Variants in FBXL17 observed in about 807,000 individuals in gnomAD.
FBXL17 encodes F-box/LRR-repeat protein 17.
A neutral mutation model predicts 66.2 loss-of-function variants in FBXL17; 22 were observed. The ratio of observed to expected loss-of-function variants is 0.33; its 90% CI spans 0.24 to 0.47. The LOEUF (loss-of-function observed/expected upper bound fraction) is 0.47. Ranked by LOEUF, FBXL17 falls within the 20% of genes least tolerant of loss-of-function variation. The pLI is 1.00. For synonymous variants in FBXL17, 474 were observed against 400.5 expected (o/e 1.18, Z -2.19); for missense variants, 878 against 948.2 (o/e 0.93, Z 0.97).
At chr5:108,060,725 CT>C (rs1258769896) in intron 6 of FBXL17, among the ~76,000 whole-genome samples, 17 of 152,230 alleles carry the variant, frequency 1.1e-4, no homozygotes, top group East Asian at 9.7e-4. Context: ...CCATCCCCCC[CT>C]CCCACACACA....
chr5:107,903,528 T>C (rs1362634933), intron 7 of FBXL17, among the ~76,000 whole-genome samples: 3 of 152,032 alleles, frequency 2.0e-5, no homozygotes, highest in African/African-American at 7.3e-5. Flanking sequence ...GGTAACTAAG[T>C]AAAGAGAGGT....
intron 7 of FBXL17, among the ~76,000 whole-genome samples, chr5:107,989,527 T>C (rs1210463088): frequency 1.3e-5 from 2 of 152,162 alleles, no homozygotes; most frequent in Non-Finnish European, 2.9e-5. Flanking sequence ...CATGCCTTCA[T>C]CCATTCATCT....
intron 6 of FBXL17, among the ~76,000 whole-genome samples, chr5:108,126,467 G>C (rs1230836647): frequency 6.6e-6 from 1 of 151,766 alleles, no homozygotes; most frequent in East Asian, 1.9e-4. Context: ...ATTTACTTCA[G>C]ATTAAACATG....
rs1749882235 is a variant in FBXL17, at chr5:108,381,216, A to G, written c.476T>C (p.Leu159Pro). The change falls in exon 1 of 9, where the codon CTC (leucine) becomes CCC (proline). Residue 159 changes from leucine to proline, a missense_variant. Transcript: ENST00000542267. ...CACCGGCCCCAAGCTGGCCAGGAAGAGACTTCGGCCCTGCTGCTCCCAGGC... is the reference window on the plus strand; with the variant it reads ...CACCGGCCCCAAGCTGGCCAGGAAGGGACTTCGGCCCTGCTGCTCCCAGGC... ...AAAWEQQGRS[L>P]FLASLGPVRF... The G allele has an allele frequency of 9.0e-6, 13 of 1,446,820 alleles. No individual in the cohort carries two copies. The Admixed American group carries it at 1.0e-4, about 11-fold the overall frequency. The allele number at this position is 1,446,820 out of a possible 1,614,324, so 89.6% of individuals were successfully genotyped here.
chr5:107,863,818 CCTT>C (rs1328762204), intron 8 of FBXL17, among the ~76,000 whole-genome samples: 4 of 152,116 alleles, frequency 2.6e-5, no homozygotes, highest in African/African-American at 4.8e-5. Flanking sequence ...TCAAGAATCT[CCTT>C]CTTCAGGGAA....
At position 107,919,490 on chromosome 5, in the gene FBXL17, C is replaced by T. The variant is rs191842564; in HGVS notation, c.1823-38311G>A. Reference sequence around the variant, plus strand: ...CTCCTCTGCTCACAGTGGGTTCTCACCTCACTGAGGGTAAGGCCATAAAGG... The same window carrying T: ...CTCCTCTGCTCACAGTGGGTTCTCATCTCACTGAGGGTAAGGCCATAAAGG... On this transcript the variant is annotated intron_variant, in intron 7 of 8. Coordinates refer to ENST00000542267, the MANE Select transcript of FBXL17 (RefSeq NM_001163315.3). 8.5e-5 allele frequency among the ~76,000 whole-genome samples: 13 copies of T among 152,294 alleles called. No homozygotes were observed. In the East Asian group the frequency reaches 2.5e-3, roughly 29 times the overall value.
chr5:107,919,874 C>T (rs748721347), intron 7 of FBXL17, among the ~76,000 whole-genome samples: 3 of 152,136 alleles, frequency 2.0e-5, no homozygotes, highest in Non-Finnish European at 4.4e-5. Context: ...GAATGCAAGT[C>T]CCAAAAGGGC....
At chr5:108,107,629 G>A (rs534086119) in intron 6 of FBXL17, among the ~76,000 whole-genome samples, 3 of 151,660 alleles carry the variant, frequency 2.0e-5, no homozygotes, top group East Asian at 2.0e-4. Context: ...TGGCTAACAC[G>A]GTGAAACCCC....
intron 4 of FBXL17, among the ~76,000 whole-genome samples, chr5:108,303,569 G>C (rs1011144552): frequency 6.6e-5 from 10 of 151,846 alleles, no homozygotes; most frequent in African/African-American, 2.2e-4. Flanking sequence ...GTATTCTGAA[G>C]ACTTTATTTT....
chr5:108,355,078 A>T (rs1747892274), intron 3 of FBXL17, among the ~76,000 whole-genome samples: 1 of 152,084 alleles, frequency 6.6e-6, no homozygotes, highest in Non-Finnish European at 1.5e-5. Flanking sequence ...CAATACAAAG[A>T]AAGAATGCAT....
chr5:108,350,599 G>GAATAAACTTCATAGAAGTT (rs1308872829), intron 3 of FBXL17, among the ~76,000 whole-genome samples: 6 of 152,108 alleles, frequency 3.9e-5, no homozygotes, highest in Non-Finnish European at 7.4e-5. Context: ...TACAGACTTA[G>GAATAAACTTCATAGAAGTT]ATAAACTTCA....
At chr5:108,303,044 C>A (rs945464041) in intron 4 of FBXL17, among the ~76,000 whole-genome samples, 5 of 151,758 alleles carry the variant, frequency 3.3e-5, no homozygotes, top group African/African-American at 1.2e-4. Flanking sequence ...AGCCCTTGGT[C>A]TAAATCTAGT....
At chr5:108,268,358 T>C (rs969750849) in intron 4 of FBXL17, among the ~76,000 whole-genome samples, 5 of 152,076 alleles carry the variant, frequency 3.3e-5, no homozygotes, top group Non-Finnish European at 7.4e-5. Flanking sequence ...ACTCCTCTTT[T>C]TACTTTCGAA....
At chr5:108,239,674 A>G (rs781080339) in intron 4 of FBXL17, among the ~76,000 whole-genome samples, 1 of 152,120 alleles carries the variant, frequency 6.6e-6, no homozygotes, top group Non-Finnish European at 1.5e-5. Flanking sequence ...CTGGGCTCAC[A>G]GCCAGCGAAA....
intron 6 of FBXL17, among the ~76,000 whole-genome samples, chr5:108,104,971 A>G (rs1350586944): frequency 1.3e-5 from 2 of 152,030 alleles, no homozygotes; most frequent in Non-Finnish European, 2.9e-5. Context: ...CCTCCTGAGT[A>G]GCTGGGACTA....
At chr5:108,319,161 T>C (rs961856365) in intron 4 of FBXL17, among the ~76,000 whole-genome samples, 4 of 151,920 alleles carry the variant, frequency 2.6e-5, no homozygotes, top group Non-Finnish European at 4.4e-5. Flanking sequence ...TTCTGTGTAA[T>C]AGTGTTAAAA....
chr5:108,210,013 T>C (rs1413021057), intron 5 of FBXL17, among the ~76,000 whole-genome samples: 1 of 152,192 alleles, frequency 6.6e-6, no homozygotes, highest in Non-Finnish European at 1.5e-5. Context: ...TATTCAGGAA[T>C]TCAATTTCTT....
chr5:108,371,672 A>G (rs1025122505), intron 1 of FBXL17, among the ~76,000 whole-genome samples: 7 of 152,236 alleles, frequency 4.6e-5, no homozygotes, highest in Admixed American at 2.6e-4. Context: ...AAAGGAAATT[A>G]TGAGAACCAA....
Position 108,380,778 on chromosome 5 carries a change from T to G in FBXL17, c.914A>C (p.Glu305Ala). Residue 305 changes from glutamate to alanine, a missense_variant, in exon 1 of 9, where the codon GAA (glutamate) becomes GCA (alanine). By Grantham distance (107) the Glu-to-Ala change is moderately radical. Around this residue, in one of 4 missense-constraint regions of FBXL17, gnomAD observed 605 missense variants for 509.5 expected, o/e 1.19. Transcript: ENST00000542267. Reference protein sequence around the residue: ...CGDADCRESPENPCDCHREPP... With the variant: ...CGDADCRESPANPCDCHREPP... The stretch of plus-strand genomic sequence containing the variant: ...CTCCCTGTGACAGTCGCAGGGGTTT[T>G]CGGGGGACTCCCGACAGTCCGCGTC... 1 of 1,248,052 alleles carries G rather than the reference T, an allele frequency of 8.0e-7. No homozygotes were observed. The highest frequency in any genetic ancestry group is 2.1e-4 in the Middle Eastern group (1 of 4,838). 77.3% of individuals were successfully genotyped at this position (1,248,052 alleles called of 1,614,324 possible).
Sources: gnomAD v4.1 joint callset for allele counts (sites outside exome capture counted in the v4.1 genomes callset) on GRCh38, gnomAD v4.1.1 for gene constraint, gnomAD v4.1.1 regional missense constraint, MANE v1.5 for transcripts, NCBI Gene and HGNC (gene_info 2026-07-23, HGNC 2026-07-21) for gene names.